CCDC7: variants seen among roughly 807,000 people sequenced by gnomAD.
CCDC7 encodes the protein coiled-coil domain containing 7.
A neutral mutation model predicts 196.9 loss-of-function variants in CCDC7; 183 were observed. The observed-to-expected ratio is 0.93, with a 90% CI of 0.82 to 1.05. CCDC7 has a LOEUF of 1.05. Among genes scored for constraint, CCDC7 ranks in the 50% least tolerant of loss-of-function variants. The pLI, the probability that CCDC7 is intolerant of heterozygous loss-of-function variation, is 0.00. For synonymous variants in CCDC7, 525 were observed against 484.6 expected (o/e 1.08, Z -1.10); for missense variants, 1,540 against 1,482.2 (o/e 1.04, Z -0.64).
At position 32,818,810 on chromosome 10, in the gene CCDC7, A is replaced by C. The variant is rs539381153; in HGVS notation, c.3181+4357A>C. Among the ~76,000 whole-genome samples, 319 of 152,308 alleles carry C rather than the reference A, an allele frequency of 2.1e-3. 2 individuals are homozygous for C. The highest frequency in any genetic ancestry group is 7.5e-3 in the African/African-American group (311 of 41,562). On this transcript the variant is annotated intron_variant, in intron 31 of 41. Transcript: ENST00000639629. Reference sequence around the variant, plus strand: ...TACCAGAATCTCTGGGACACATTCAAAGCAGTGTGTAGAGGGAAATTTATA... The same window carrying C: ...TACCAGAATCTCTGGGACACATTCACAGCAGTGTGTAGAGGGAAATTTATA...
At chr10:32,506,771 G>C (rs997994944) in intron 9 of CCDC7, among the ~76,000 whole-genome samples, 1 of 152,176 alleles carries the variant, frequency 6.6e-6, no homozygotes, top group Non-Finnish European at 1.5e-5. Context: ...AGAATCACGG[G>C]AGCCCGAGGC....
At chr10:32,537,156 G>GCCA (rs2050645934) in intron 11 of CCDC7, among the ~76,000 whole-genome samples, 1 of 152,016 alleles carries the variant, frequency 6.6e-6, no homozygotes, top group Non-Finnish European at 1.5e-5. Flanking sequence ...CAACCTCACT[G>GCCA]GCATCTGTTA....
chr10:32,837,683 C>T (rs2092708730), intron 33 of CCDC7, among the ~76,000 whole-genome samples: 1 of 151,978 alleles, frequency 6.6e-6, no homozygotes, highest in African/African-American at 2.4e-5. Flanking sequence ...CCCAAATGTC[C>T]AACAATGATA....
intron 31 of CCDC7, among the ~76,000 whole-genome samples, chr10:32,818,301 A>G (rs957554149): frequency 2.0e-5 from 3 of 152,356 alleles, no homozygotes; most frequent in Admixed American, 6.5e-5. Flanking sequence ...TCCTAAATAT[A>G]TATGCACCCA....
chr10:32,452,427 C>T (rs12355146), intron 1 of CCDC7, among the ~76,000 whole-genome samples: 5,223 of 152,294 alleles, frequency 0.034, 126 homozygotes, highest in Non-Finnish European at 0.047. Context: ...TGCATTTCTA[C>T]TATGTTAAAC....
At chr10:32,864,404 G>A (rs931743774) in intron 41 of CCDC7, among the ~76,000 whole-genome samples, 3 of 151,232 alleles carry the variant, frequency 2.0e-5, no homozygotes, top group African/African-American at 4.9e-5. Flanking sequence ...TATAATTGTC[G>A]GCTACTTATA....
At chr10:32,484,968 T>A (rs770326938) in intron 8 of CCDC7, among the ~76,000 whole-genome samples, 7 of 152,232 alleles carry the variant, frequency 4.6e-5, no homozygotes, top group Non-Finnish European at 8.8e-5. Flanking sequence ...TCTTTCTTTG[T>A]TGTGTCTCTG....
chr10:32,640,372 T>C (rs1228434129), intron 20 of CCDC7, among the ~76,000 whole-genome samples: 1 of 152,216 alleles, frequency 6.6e-6, no homozygotes, highest in Non-Finnish European at 1.5e-5. Context: ...TAGATCTTCC[T>C]CCATCCCTTT....
rs752053697 is a variant in CCDC7, at chr10:32,567,787, G to A, written c.1315G>A (p.Gly439Ser). ...GGGTAATAGTCAAACAAAAGTTAAAGGTGAAGATTCAAAAAATATACCATT... is the reference window on the plus strand; with the variant it reads ...GGGTAATAGTCAAACAAAAGTTAAAAGTGAAGATTCAAAAAATATACCATT... Residue 439 changes from glycine (G) to serine (S), a missense_variant, in exon 15 of 42, where the codon GGT becomes AGT. Gly to Ser is a moderately conservative substitution (Grantham distance 56). Transcript: ENST00000639629. 7.4e-6 allele frequency: 12 copies of A among 1,613,438 alleles called. No individual in the cohort carries two copies. In the South Asian group the frequency reaches 1.3e-4, roughly 18 times the overall value.
intron 18 of CCDC7, among the ~76,000 whole-genome samples, chr10:32,612,870 A>G (rs2062332532): frequency 1.4e-5 from 2 of 146,718 alleles, no homozygotes; most frequent in African/African-American, 5.2e-5. Context: ...ATTGGCCTGA[A>G]ATTTTCTTTG....
At chr10:32,777,327 C>A (rs1229807430) in intron 28 of CCDC7, among the ~76,000 whole-genome samples, 1 of 152,166 alleles carries the variant, frequency 6.6e-6, no homozygotes, top group Non-Finnish European at 1.5e-5. Context: ...TTATGAATGG[C>A]ACTGTGGTGA....
At chr10:32,694,836 GTCTGTTTT>G (rs2077506044) in intron 23 of CCDC7, 35 bp from the exon 25 acceptor site, 1 of 1,137,966 alleles carries the variant, frequency 8.8e-7, no homozygotes, top group Non-Finnish European at 1.2e-6. Flanking sequence ...TTCACAGTAG[GTCTGTTTT>G]TCCATTAAGA....
intron 13 of CCDC7, among the ~76,000 whole-genome samples, chr10:32,549,700 C>A (rs1239297120): frequency 6.6e-6 from 1 of 152,028 alleles, no homozygotes; most frequent in Non-Finnish European, 1.5e-5. Flanking sequence ...TTTTTGTTTG[C>A]TTTGTCGAAG....
intron 11 of CCDC7, among the ~76,000 whole-genome samples, chr10:32,523,315 G>A (rs957213729): frequency 6.6e-6 from 1 of 152,148 alleles, no homozygotes; most frequent in South Asian, 2.1e-4. Context: ...GGAGGTTGAA[G>A]CAGGCAGATT....
intron 16 of CCDC7, among the ~76,000 whole-genome samples, chr10:32,573,387 T>C (rs1441370063): frequency 1.3e-5 from 2 of 152,192 alleles, no homozygotes; most frequent in Non-Finnish European, 2.9e-5. Flanking sequence ...TCTTTGTACA[T>C]TGGTAAATCT....
intron 29 of CCDC7, among the ~76,000 whole-genome samples, chr10:32,796,360 C>A (rs2083555536): frequency 6.6e-6 from 1 of 152,138 alleles, no homozygotes; most frequent in Non-Finnish European, 1.5e-5. Context: ...AGTAATCTCC[C>A]ACCAACTGTC....
At chr10:32,486,791 C>G (rs1293681924) in intron 8 of CCDC7, among the ~76,000 whole-genome samples, 1 of 150,766 alleles carries the variant, frequency 6.6e-6, no homozygotes, top group Non-Finnish European at 1.5e-5. Flanking sequence ...GTTGAAAATT[C>G]TTTTCTTTAA....
intron 28 of CCDC7, among the ~76,000 whole-genome samples, chr10:32,757,633 GC>G (rs2076690022): frequency 6.6e-6 from 1 of 152,182 alleles, no homozygotes; most frequent in Non-Finnish European, 1.5e-5. Flanking sequence ...AGCACTAAAT[GC>G]CCACAAGAGA....
At chr10:32,852,889 A>T (rs2093616192) in intron 40 of CCDC7, among the ~76,000 whole-genome samples, 1 of 152,162 alleles carries the variant, frequency 6.6e-6, no homozygotes, top group Admixed American at 6.6e-5. Flanking sequence ...AATGGTTAGA[A>T]ATTATATATG....
Sources: gnomAD v4.1 joint callset for allele counts (sites outside exome capture counted in the v4.1 genomes callset) on GRCh38, gnomAD v4.1.1 for gene constraint, MANE v1.5 for transcripts, NCBI Gene and HGNC (gene_info 2026-07-23, HGNC 2026-07-21) for gene names.